CROCC: variants seen among roughly 807,000 people sequenced by gnomAD.
The protein encoded by CROCC is rootletin.
In CROCC, 180 loss-of-function variants were observed where a neutral mutation model predicts 245.2. The ratio of observed to expected loss-of-function variants is 0.73; its 90% CI spans 0.65 to 0.83. The LOEUF is 0.83. Among genes scored for constraint, CROCC ranks in the 40% least tolerant of loss-of-function variants. The pLI is 0.00. For missense variants in CROCC, 2,688 were observed against 2,779.4 expected, an observed-to-expected ratio of 0.97 and a Z score of 0.74; for synonymous variants, 1,205 against 1,241.6, an observed-to-expected ratio of 0.97 and a Z score of 0.62.
chr1:16,969,328 C>T lies in CROCC; in HGVS notation c.5289C>T (p.Arg1763=), dbSNP rs1046885359. ...CTCTGACCGCCTGTGAACATGACCG[C>T]CAAGTACTCCAGGTCTCGGGCCCAG... The part of the protein sequence containing the change: ...QKALTACEHD[R]QVLQERLDAA... The change falls in exon 32 of 37, where the codon CGC becomes CGT. Residue 1763 remains arginine (R), a synonymous_variant. Transcript: ENST00000375541. The T allele has an allele frequency of 1.2e-6, 2 of 1,611,156 alleles. No individual in the cohort carries two copies. The highest frequency in any genetic ancestry group is 1.7e-6 in the Non-Finnish European group (2 of 1,179,468).
intron 8 of CROCC, among the ~76,000 whole-genome samples, chr1:16,934,693 A>G (rs1035253313): frequency 6.6e-6 from 1 of 152,252 alleles, no homozygotes; most frequent in African/African-American, 2.4e-5. Flanking sequence ...CAAGGTTCAC[A>G]TTTCAAAAGG....
intron 27 of CROCC, among the ~76,000 whole-genome samples, chr1:16,963,233 G>A (rs2076362957): frequency 6.6e-6 from 1 of 151,724 alleles, no homozygotes. Context: ...AGGGGCTAGG[G>A]CAGTTCATGC....
chr1:16,971,716 A>C, intron 36 of CROCC, 69 bp downstream of exon 36: 2 of 1,370,030 alleles, frequency 1.5e-6, no homozygotes, highest in Non-Finnish European at 1.9e-6. Context: ...GAGAGACCCA[A>C]TCAAGACCTT....
intron 25 of CROCC, 54 bp downstream of exon 25, chr1:16,956,210 A>G (rs1175710498): frequency 2.1e-6 from 3 of 1,455,472 alleles, no homozygotes; most frequent in Non-Finnish European, 9.1e-7. Flanking sequence ...CCCCGGGCCA[A>G]TAGCTCCCCC....
At chr1:16,940,348 C>G (rs1366737280) in intron 13 of CROCC, among the ~76,000 whole-genome samples, 1 of 151,924 alleles carries the variant, frequency 6.6e-6, no homozygotes, top group Non-Finnish European at 1.5e-5. Flanking sequence ...CTCAGCCTCC[C>G]GAGTATCTGG....
chr1:16,972,521 C>A lies in CROCC; in HGVS notation c.*75C>A, dbSNP rs557470293. 182 of 948,338 alleles carry A rather than the reference C, an allele frequency of 1.9e-4. 1 individual carries two copies. The East Asian group carries it at 5.0e-3, about 26-fold the overall frequency. 58.7% of individuals were successfully genotyped at this position (948,338 alleles called of 1,614,324 possible). ...CCCTTCTTTTGGACAGCCCCCCCAC[C>A]CAGAGCCCGGTCCCTTGGGGGCCTC... On this transcript the variant is annotated 3_prime_UTR_variant, in exon 37 of 37. Transcript: ENST00000375541.
chr1:16,938,459 G>T lies in CROCC; in HGVS notation c.1350G>T (p.Gln450His), dbSNP rs1293068557. The T allele has an allele frequency of 1.3e-6, 2 of 1,579,890 alleles. No individual in the cohort carries two copies. Among genetic ancestry groups the T allele is most frequent in the Non-Finnish European group, 1.7e-6 (2 of 1,163,734 alleles). ...ALETEDGEGL[Q>H]QTLRDLAQAV... ...AGACAGAGGATGGAGAGGGGCTACA[G>T]CAGACCCTAAGGGACCTGGCACAGG... The change falls in exon 11 of 37, where the codon CAG (glutamine) becomes CAT (histidine). Residue 450 changes from glutamine (Q) to histidine (H), a missense_variant. Transcript: ENST00000375541.
intron 17 of CROCC, among the ~76,000 whole-genome samples, chr1:16,947,477 T>TAA (rs1176498328): frequency 2.8e-5 from 4 of 145,346 alleles, no homozygotes; most frequent in African/African-American, 8.2e-5. Flanking sequence ...TCAATAATAA[T>TAA]AATAATAATA....
chr1:16,955,160 C>T (rs1243454493), intron 23 of CROCC, 152 bp from the exon 24 acceptor site: 2 of 780,366 alleles, frequency 2.6e-6, no homozygotes, highest in Non-Finnish European at 4.2e-6. Context: ...CTGATTACAG[C>T]ACGCCTTGCT....
chr1:16,928,287 T>TCCTCCCTCACCTCCCTTCC (rs2075582057), intron 3 of CROCC, among the ~76,000 whole-genome samples: 2 of 152,258 alleles, frequency 1.3e-5, no homozygotes, highest in Admixed American at 1.3e-4. Context: ...ACTGCCCTGC[T>TCCTCCCTCACCTCCCTTCC]CCTCCCTCAC....
At chr1:16,943,216 G>T (rs1404443867) in intron 13 of CROCC, among the ~76,000 whole-genome samples, 2 of 151,454 alleles carry the variant, frequency 1.3e-5, no homozygotes, top group African/African-American at 4.9e-5. Flanking sequence ...ACTCCAGCCT[G>T]GGCGACAGAG....
intron 3 of CROCC, among the ~76,000 whole-genome samples, chr1:16,927,371 C>T (rs1367729244): frequency 6.6e-6 from 1 of 152,256 alleles, no homozygotes; most frequent in East Asian, 1.9e-4. Flanking sequence ...AGCCACCAAT[C>T]GGCCCACAAA....
Position 16,970,612 on chromosome 1 carries a change from ATCTCCTGTGGC to A in CROCC, c.5653-16_5653-6del, listed in dbSNP as rs750952750. On this transcript the variant is annotated splice_polypyrimidine_tract_variant and intron_variant, in intron 34 of 36. Transcript: ENST00000375541. ...TCAGTAAGCTCCTCCTGGCACCCTGATCTCCTGTGGCTCTCCTGCCTAGGTGGAGCGGGAGA... is the reference window on the plus strand; with the variant it reads ...TCAGTAAGCTCCTCCTGGCACCCTGATCTCCTGCCTAGGTGGAGCGGGAGA... 1.3e-6 allele frequency: 2 copies of A among 1,516,294 alleles called. No homozygotes were observed. The highest frequency in any genetic ancestry group is 4.6e-5 in the East Asian group (2 of 43,444). 93.9% of individuals were successfully genotyped at this position (1,516,294 alleles called of 1,614,324 possible). A position where few individuals can be genotyped will look rare whatever the true frequency, so the allele number is the denominator to read the frequency against.
At chr1:16,970,161 C>T (rs913742846) in intron 33 of CROCC, 92 bp from the exon 34 acceptor site, 10 of 1,338,140 alleles carry the variant, frequency 7.5e-6, no homozygotes, top group South Asian at 1.5e-5. Flanking sequence ...CCGTCGCCTG[C>T]TCTGTGAGTG....
rs143031087 is a variant in CROCC at position 16,922,724 on chromosome 1, A to G, written c.122A>G (p.Asp41Gly). The G allele has an allele frequency of 4.7e-4, 754 of 1,613,760 alleles. No individual in the cohort carries two copies. The highest frequency in any genetic ancestry group is 1.7e-3 in the African/African-American group (126 of 75,062). ...TTGGGCGCGCGGGACCTGGCCCAGGACGCTCAGATCACCAGCCTGCCTGCC... is the reference window on the plus strand; with the variant it reads ...TTGGGCGCGCGGGACCTGGCCCAGGGCGCTCAGATCACCAGCCTGCCTGCC... The part of the protein sequence containing the change: ...KGLGARDLAQ[D>G]AQITSLPALI... The change falls in exon 2 of 37, where the codon GAC becomes GGC. Residue 41 changes from aspartate (D) to glycine (G), a missense_variant. By Grantham distance (94) the Asp-to-Gly change is moderately conservative. Transcript: ENST00000375541.
Position 16,956,151 on chromosome 1 carries a change from C to T in CROCC, c.3859C>T (p.Arg1287Cys), listed in dbSNP as rs948377718. The T allele has an allele frequency of 1.0e-5, 16 of 1,541,154 alleles. No individual in the cohort carries two copies. The African/African-American group carries it at 1.2e-4, about 12-fold the overall frequency. Reference protein sequence around the residue: ...EARRELQELRRQMKMLDSENT... With the variant: ...EARRELQELRCQMKMLDSENT... ...TCGGCGGGAGCTGCAGGAGCTCCGG[C>T]GTCAGGTACTCTCCCTGTGCCACCC... The change falls in exon 25 of 37, where the codon CGT becomes TGT. Residue 1287 changes from arginine to cysteine, a missense_variant. By Grantham distance (180) the Arg-to-Cys change is radical (BLOSUM62 -3). Around this residue, in one of 9 missense-constraint regions of CROCC, gnomAD observed 1,218 missense variants for 1,286.3 expected, o/e 0.95. Coordinates refer to ENST00000375541, the MANE Select transcript of CROCC (RefSeq NM_014675.5).
At position 16,931,460 on chromosome 1, in the gene CROCC, A is replaced by G. The variant is rs912761731; in HGVS notation, c.956+63A>G. 8 of 1,446,468 alleles carry G rather than the reference A, an allele frequency of 5.5e-6. No homozygotes were observed. The African/African-American group carries it at 1.1e-4, about 20-fold the overall frequency. The allele number at this position is 1,446,468 out of a possible 1,614,324, so 89.6% of individuals were successfully genotyped here. On this transcript the variant is annotated intron_variant, in intron 8 of 36. Transcript: ENST00000375541. ...CAGCCCTGCTCTTTATGTCCAACTG[A>G]ACTCAGTTGAATTTCAGTTCAACTC...
chr1:16,922,821 T>C lies in CROCC; in HGVS notation c.196+23T>C, dbSNP rs569932516. On this transcript the variant is annotated intron_variant, in intron 2 of 36. Coordinates refer to ENST00000375541, the MANE Select transcript of CROCC (RefSeq NM_014675.5). ...CAGGTGCCACCCCCATCCGCTCCCC[T>C]CCACAAACACCACCCACATTTTACC... The C allele has an allele frequency of 4.4e-6, 7 of 1,604,476 alleles. No individual in the cohort carries two copies. The South Asian group carries it at 7.8e-5, about 18-fold the overall frequency.
rs953249683 is a variant in CROCC, at chr1:16,938,503, G to C, written c.1374+20G>C. Reference sequence around the variant, plus strand: ...GCACAGGTGTGAGCCCAGAGAGGCGGGAAGACAGCGCCCTGCCAGGCAGTC... The same window carrying C: ...GCACAGGTGTGAGCCCAGAGAGGCGCGAAGACAGCGCCCTGCCAGGCAGTC... On this transcript the variant is annotated intron_variant, in intron 11 of 36. Coordinates refer to ENST00000375541, the MANE Select transcript of CROCC (RefSeq NM_014675.5). The C allele has an allele frequency of 2.6e-6, 4 of 1,549,582 alleles. No homozygotes were observed. Among genetic ancestry groups the C allele is most frequent in the African/African-American group, 2.7e-5 (2 of 73,364 alleles).
Sources: allele counts gnomAD v4.1 joint callset (sites outside exome capture counted in the v4.1 genomes callset), GRCh38; gene constraint gnomAD v4.1.1; regional missense constraint gnomAD v4.1.1; transcripts MANE v1.5; gene names NCBI Gene and HGNC (gene_info 2026-07-23, HGNC 2026-07-21).